Variants in TTC12 observed in about 807,000 individuals in gnomAD.
The protein encoded by TTC12 is tetratricopeptide repeat domain 12.
In TTC12, 70 loss-of-function variants were observed where a neutral mutation model predicts 90.1. The observed-to-expected ratio is 0.78, with a 90% CI of 0.64 to 0.95. The LOEUF (loss-of-function observed/expected upper bound fraction) is 0.95. TTC12 is among the 40% of genes least tolerant of loss of function. The pLI, the probability that TTC12 is intolerant of heterozygous loss-of-function variation, is 0.00. For missense variants in TTC12, 819 were observed against 846.1 expected (o/e 0.97, Z 0.40); for synonymous variants, 296 against 311.5 (o/e 0.95, Z 0.53).
intron 2 of TTC12, among the ~76,000 whole-genome samples, chr11:113,318,645 A>G (rs1264299958): frequency 1.3e-5 from 2 of 152,252 alleles, no homozygotes; most frequent in African/African-American, 2.4e-5. Context: ...CAGAAATTAA[A>G]TAAAGTTTTC....
At chr11:113,348,133 G>A (rs1335554363) in intron 13 of TTC12, among the ~76,000 whole-genome samples, 1 of 152,146 alleles carries the variant, frequency 6.6e-6, no homozygotes, top group Admixed American at 6.6e-5. Context: ...AGATGAAAAC[G>A]CCCTTCTGCC....
Position 113,360,011 on chromosome 11 carries a change from A to T in TTC12, c.1614+3A>T, listed in dbSNP as rs782603932. ...GCCAGGATGGAGGAATCCTGACAGTAAGTTTCTCCCAGGGAAATCCAGAAG... is the reference window on the plus strand; with the variant it reads ...GCCAGGATGGAGGAATCCTGACAGTTAGTTTCTCCCAGGGAAATCCAGAAG... On this transcript the variant is annotated splice_donor_region_variant and intron_variant, in intron 18 of 21. Coordinates refer to ENST00000529221, the MANE Select transcript of TTC12 (RefSeq NM_017868.4). The T allele has an allele frequency of 6.3e-7, 1 of 1,586,870 alleles. No individual in the cohort carries two copies.
intron 19 of TTC12, 130 bp from the exon 20 acceptor site, chr11:113,363,698 C>G (rs932303920): frequency 1.6e-6 from 1 of 640,222 alleles, no homozygotes. Context: ...GAAGCACATG[C>G]CGTTCTCAGT....
chr11:113,342,007 A>G, intron 12 of TTC12, 82 bp downstream of exon 12: 1 of 1,224,322 alleles, frequency 8.2e-7, no homozygotes, highest in Non-Finnish European at 1.2e-6. Context: ...TCCTCCCCAA[A>G]GGCCAGGCCC....
At chr11:113,370,334 T>C (rs1390859868), downstream of TTC12, among the ~76,000 whole-genome samples, 2 of 152,204 alleles carry the variant, frequency 1.3e-5, no homozygotes, top group Non-Finnish European at 2.9e-5. Context: ...ATTAGTTCTT[T>C]TCTCCTAAAG....
chr11:113,368,479 TG>T (rs1366409249), downstream of TTC12: 1 of 1,550,484 alleles, frequency 6.4e-7, no homozygotes, highest in Non-Finnish European at 8.7e-7. Flanking sequence ...CAGAGTCTTC[TG>T]GTTCAACAAG....
chr11:113,369,888 C>T (rs919375461), downstream of TTC12, among the ~76,000 whole-genome samples: 7 of 152,194 alleles, frequency 4.6e-5, no homozygotes, highest in East Asian at 7.7e-4. Flanking sequence ...CCCACCCTCA[C>T]GGATCTGCTT....
Position 113,338,896 on chromosome 11 carries a change from G to A in TTC12, c.637+62G>A, listed in dbSNP as rs1485091306. The A allele has an allele frequency of 3.4e-6, 5 of 1,484,156 alleles. No individual in the cohort carries two copies. The Admixed American group carries it at 5.1e-5, about 15-fold the overall frequency. 91.9% of individuals were successfully genotyped at this position (1,484,156 alleles called of 1,614,324 possible). Reference sequence around the variant, plus strand: ...CCACCTCCCTCTGCCCCCTGCCTTAGAATGCCTTCCGTGCTTTCACTGCCC... The same window carrying A: ...CCACCTCCCTCTGCCCCCTGCCTTAAAATGCCTTCCGTGCTTTCACTGCCC... On this transcript the variant is annotated intron_variant, in intron 9 of 21. Transcript: ENST00000529221.
At chr11:113,333,904 G>T (rs932031866) in intron 7 of TTC12, among the ~76,000 whole-genome samples, 2 of 151,928 alleles carry the variant, frequency 1.3e-5, no homozygotes, top group Admixed American at 1.3e-4. Flanking sequence ...GAAATGAATT[G>T]CTGCTGATAT....
At chr11:113,316,408 A>G in intron 2 of TTC12, 93 bp downstream of exon 2, 1 of 560,660 alleles carries the variant, frequency 1.8e-6, no homozygotes, top group Non-Finnish European at 3.0e-6. Context: ...TGACAGGTTT[A>G]TAACTCTTAG....
intron 16 of TTC12, among the ~76,000 whole-genome samples, 182 bp from the exon 17 acceptor site, chr11:113,359,181 C>G (rs1488048246): frequency 6.6e-6 from 1 of 151,792 alleles, no homozygotes; most frequent in Non-Finnish European, 1.5e-5. Context: ...AGACTCCTTC[C>G]AAGTCTCCTG....
At chr11:113,366,577 G>C (rs910182895), downstream of TTC12, among the ~76,000 whole-genome samples, 2 of 152,158 alleles carry the variant, frequency 1.3e-5, no homozygotes, top group African/African-American at 4.8e-5. Flanking sequence ...AAGCCACATT[G>C]CCCAGACTCC....
chr11:113,316,330 A>G lies in TTC12; in HGVS notation c.58+15A>G, dbSNP rs782641222. The G allele has an allele frequency of 7.6e-7, 1 of 1,311,306 alleles. No individual in the cohort carries two copies. Among genetic ancestry groups the G allele is most frequent in the East Asian group, 2.5e-5 (1 of 39,814 alleles). 81.2% of individuals were successfully genotyped at this position (1,311,306 alleles called of 1,614,324 possible). A position where few individuals can be genotyped will look rare whatever the true frequency, so the allele number is the denominator to read the frequency against. On this transcript the variant is annotated intron_variant, in intron 2 of 21. Transcript: ENST00000529221. ...GGATGAAATCTGTAAGTACTAGTAA[A>G]TCATAAATTAATTTCTGCTTTAGAG...
At chr11:113,334,876 C>T (rs1019082588) in intron 7 of TTC12, 90 bp from the exon 8 acceptor site, 9 of 1,032,188 alleles carry the variant, frequency 8.7e-6, no homozygotes, top group South Asian at 3.3e-5. Context: ...ATCAAAGTTT[C>T]GCCTTAACTC....
At chr11:113,316,026 T>C (rs1211503530) in intron 1 of TTC12, 5 of 364,692 alleles carry the variant, frequency 1.4e-5, no homozygotes, top group Non-Finnish European at 2.0e-5. Context: ...GAAGGAGGGC[T>C]GGAAGCTTTC....
chr11:113,346,234 A>G (rs972822967), intron 13 of TTC12, among the ~76,000 whole-genome samples: 1 of 151,996 alleles, frequency 6.6e-6, no homozygotes, highest in Non-Finnish European at 1.5e-5. Flanking sequence ...AATTCCCTGC[A>G]TGTCTCTGCT....
At chr11:113,372,611 A>C (rs141774905) in intron 21 of TTC12, among the ~76,000 whole-genome samples, 22 of 152,346 alleles carry the variant, frequency 1.4e-4, no homozygotes, top group Non-Finnish European at 2.8e-4. Flanking sequence ...CATATGAGTA[A>C]GAGCTATGAT....
At chr11:113,361,099 C>T (rs1949899941) in intron 18 of TTC12, among the ~76,000 whole-genome samples, 1 of 152,330 alleles carries the variant, frequency 6.6e-6, no homozygotes, top group African/African-American at 2.4e-5. Context: ...AGCAGAGCAG[C>T]AGCTTCACCA....
At chr11:113,321,944 A>G (rs984944491) in intron 2 of TTC12, among the ~76,000 whole-genome samples, 19 of 152,326 alleles carry the variant, frequency 1.2e-4, no homozygotes, top group African/African-American at 4.6e-4. Flanking sequence ...AATTGTTGAC[A>G]TAGATAATTG....
Sources: gnomAD v4.1 joint callset for allele counts (sites outside exome capture counted in the v4.1 genomes callset) on GRCh38, gnomAD v4.1.1 for gene constraint, MANE v1.5 for transcripts, NCBI Gene and HGNC (gene_info 2026-07-23, HGNC 2026-07-21) for gene names.